Variants in FSD1L observed in about 807,000 individuals in gnomAD.
The protein encoded by FSD1L is fibronectin type III and SPRY domain containing 1 like, also known as FSD1-like protein.
Under a neutral mutation model 71.6 loss-of-function variants are expected in FSD1L, and 45 were observed. The ratio of observed to expected loss-of-function variants is 0.63; its 90% CI spans 0.49 to 0.81. The LOEUF (loss-of-function observed/expected upper bound fraction) is 0.81, where lower values mean the gene tolerates loss of function less well. Ranked by LOEUF, FSD1L falls within the 30% of genes least tolerant of loss-of-function variation. The probability of loss-of-function intolerance (pLI) is 0.00; values close to 1 mark genes in which losing one functional copy is unlikely to be tolerated. For missense variants in FSD1L, 561 were observed against 618.1 expected, an observed-to-expected ratio of 0.91 and a Z score of 0.98; for synonymous variants, 197 against 207.2, an observed-to-expected ratio of 0.95 and a Z score of 0.42.
At chr9:105,473,129 A>G (rs1831579421) in intron 5 of FSD1L, 1 of 152,042 alleles carries the variant, frequency 6.6e-6, no homozygotes, top group South Asian at 2.1e-4. Flanking sequence ...ACATGATGAG[A>G]TCCTGCCTGT....
chr9:105,478,450 T>C (rs1831955452), intron 5 of FSD1L, among the ~76,000 whole-genome samples: 1 of 152,216 alleles, frequency 6.6e-6, no homozygotes, highest in South Asian at 2.1e-4. Context: ...CTAAGCATTT[T>C]TGCTAGGCAC....
At chr9:105,497,054 T>C (rs548594879) in intron 7 of FSD1L, among the ~76,000 whole-genome samples, 1 of 152,342 alleles carries the variant, frequency 6.6e-6, no homozygotes, top group South Asian at 2.1e-4. Context: ...TCTGTTCCTA[T>C]TTCACTGAGA....
At chr9:105,520,424 T>A in intron 10 of FSD1L, 1 of 1,080,836 alleles carries the variant, frequency 9.3e-7, no homozygotes, top group East Asian at 2.3e-5. Context: ...ATATACTATG[T>A]GTTCTTTGAA....
At chr9:105,493,275 G>C (rs2131761903) in intron 7 of FSD1L, among the ~76,000 whole-genome samples, 2 of 152,096 alleles carry the variant, frequency 1.3e-5, no homozygotes, top group South Asian at 4.2e-4. Flanking sequence ...TGTCTCTTTT[G>C]ATCTTTGTTG....
the FSD1L span, among the ~76,000 whole-genome samples, chr9:105,442,260 G>A: frequency 2.0e-5 from 3 of 152,196 alleles, no homozygotes; most frequent in East Asian, 1.9e-4. Context: ...GAGTGACGGT[G>A]GGGAGAGGAG....
In FSD1L at chr9:105,462,635, G is replaced by A. The variant is rs143573407; in HGVS notation, c.111+1020G>A. Among the ~76,000 whole-genome samples, 1,154 of 146,786 alleles carry A rather than the reference G, an allele frequency of 7.9e-3. 18 individuals carry two copies. Among genetic ancestry groups the A allele is most frequent in the African/African-American group, 0.027 (1,078 of 39,582 alleles). On this transcript the variant is annotated intron_variant, in intron 2 of 13. Transcript: ENST00000481272. ...ACCTCCCAGTTCAAGTGATTCTCCT[G>A]CCTCAGCCTCCTGAGTAGCTGGGAT...
At chr9:105,511,684 A>C (rs1317394254) in intron 9 of FSD1L, among the ~76,000 whole-genome samples, 1 of 152,168 alleles carries the variant, frequency 6.6e-6, no homozygotes, top group Non-Finnish European at 1.5e-5. Context: ...TAAATAAAAA[A>C]CAATGAACAA....
chr9:105,493,542 T>G (rs11560607), intron 7 of FSD1L, among the ~76,000 whole-genome samples: 19,223 of 152,018 alleles, frequency 0.13, 1,462 homozygotes, highest in Admixed American at 0.23. Flanking sequence ...ATCCTGTCAT[T>G]ATGATGTTAG....
In FSD1L at chr9:105,461,628, T is replaced by G; in HGVS notation, c.111+13T>G. 6.7e-7 allele frequency: 1 copy of G among 1,485,472 alleles called. No individual in the cohort carries two copies. The highest frequency in any genetic ancestry group is 1.4e-5 in the African/African-American group (1 of 71,704). 92.0% of individuals were successfully genotyped at this position (1,485,472 alleles called of 1,614,324 possible). A position where few individuals can be genotyped will look rare whatever the true frequency, so the allele number is the denominator to read the frequency against. On this transcript the variant is annotated intron_variant, in intron 2 of 13. Transcript: ENST00000481272. ...TAACTTGCAGCAGGTTGGTAGCTCTTAAAGGAGCAGAGGTTTTAACTTGAA... is the reference window on the plus strand; with the variant it reads ...TAACTTGCAGCAGGTTGGTAGCTCTGAAAGGAGCAGAGGTTTTAACTTGAA...
chr9:105,520,443 G>T, intron 10 of FSD1L: 4 of 1,054,462 alleles, frequency 3.8e-6, no homozygotes, highest in South Asian at 2.6e-5. Flanking sequence ...AAAATTTTGT[G>T]ACTATCGAAG....
At chr9:105,451,901 G>A (rs954076786) in intron 1 of FSD1L, among the ~76,000 whole-genome samples, 2 of 152,148 alleles carry the variant, frequency 1.3e-5, no homozygotes, top group East Asian at 3.8e-4. Context: ...TCTAAGAAAG[G>A]TACTTACTGT....
intron 1 of FSD1L, among the ~76,000 whole-genome samples, chr9:105,460,930 A>C (rs1284406090): frequency 6.6e-6 from 1 of 152,206 alleles, no homozygotes; most frequent in Non-Finnish European, 1.5e-5. Context: ...AGAGTTGGTA[A>C]TTTTAAAATG....
upstream of FSD1L, among the ~76,000 whole-genome samples, chr9:105,447,407 C>A (rs536635711): frequency 1.5e-4 from 22 of 150,318 alleles, no homozygotes; most frequent in South Asian, 4.5e-3. Flanking sequence ...TTAATCCTCA[C>A]AATCCTCTGC....
intron 6 of FSD1L, among the ~76,000 whole-genome samples, chr9:105,483,206 A>G (rs1832324180): frequency 6.6e-6 from 1 of 152,164 alleles, no homozygotes. Context: ...TAAACACATC[A>G]ACTGTTGTTT....
At chr9:105,490,943 G>T (rs1244179738) in intron 7 of FSD1L, among the ~76,000 whole-genome samples, 1 of 147,854 alleles carries the variant, frequency 6.8e-6, no homozygotes, top group Non-Finnish European at 1.5e-5. Flanking sequence ...GTAGCGTGAT[G>T]CCTCCAGCTT....
intron 12 of FSD1L, among the ~76,000 whole-genome samples, chr9:105,537,148 TATA>T (rs1836321397): frequency 6.6e-6 from 1 of 152,230 alleles, no homozygotes; most frequent in African/African-American, 2.4e-5. Context: ...TCATCTAATG[TATA>T]ATAATTTTGA....
chr9:105,467,839 A>C (rs1452576835), intron 3 of FSD1L, among the ~76,000 whole-genome samples: 1 of 152,218 alleles, frequency 6.6e-6, no homozygotes, highest in Non-Finnish European at 1.5e-5. Context: ...CCAGAGGTTA[A>C]GAACCACTGG....
At chr9:105,483,459 A>C (rs1234998859) in intron 6 of FSD1L, among the ~76,000 whole-genome samples, 1 of 152,168 alleles carries the variant, frequency 6.6e-6, no homozygotes, top group Non-Finnish European at 1.5e-5. Flanking sequence ...GTGTACTAGG[A>C]GGACAGTGTT....
In FSD1L at chr9:105,549,911, T is replaced by A. The variant is rs2131556333; in HGVS notation, c.*3428T>A. ...TGGAAAATGATTATTTCAAAGAATA[T>A]TTATTTAAAGAGGGAAGTGTAGACT... is the stretch of plus-strand genomic sequence containing the variant. On this transcript the variant is annotated 3_prime_UTR_variant, in exon 14 of 14. Transcript: ENST00000481272. The A allele has an allele frequency of 6.6e-6, 1 of 152,128 alleles. No individual in the cohort carries two copies. The highest frequency in any genetic ancestry group is 1.9e-4 in the East Asian group (1 of 5,192). The allele number at this position is 152,128 out of a possible 1,614,324, so 9.4% of individuals were successfully genotyped here. A position where few individuals can be genotyped will look rare whatever the true frequency, so the allele number is the denominator to read the frequency against.
Sources: gnomAD v4.1 joint callset for allele counts (sites outside exome capture counted in the v4.1 genomes callset) on GRCh38, gnomAD v4.1.1 for gene constraint, MANE v1.5 for transcripts, NCBI Gene and HGNC (gene_info 2026-07-23, HGNC 2026-07-21) for gene names.